ACACA: variants seen among roughly 807,000 people sequenced by gnomAD.
ACACA encodes acetyl-CoA carboxylase 1.
In ACACA, 103 loss-of-function variants were observed where a neutral mutation model predicts 296.1. The observed-to-expected ratio is 0.35, with a 90% confidence interval of 0.30 to 0.41. ACACA has a LOEUF of 0.41. Among genes scored for constraint, ACACA ranks in the 10% least tolerant of loss-of-function variants. The pLI is 1.00. For missense variants in ACACA, 1,554 were observed against 2,989.7 expected (o/e 0.52, Z 11.20); for synonymous variants, 953 against 1,038.6 (o/e 0.92, Z 1.58).
intron 2 of ACACA, among the ~76,000 whole-genome samples, chr17:37,335,576 A>G (rs2048079964): frequency 6.6e-6 from 1 of 152,166 alleles, no homozygotes; most frequent in Non-Finnish European, 1.5e-5. Context: ...TACACTGAAC[A>G]AGATTTATAC....
intron 1 of ACACA, among the ~76,000 whole-genome samples, chr17:37,373,301 G>A (rs2049873635): frequency 6.6e-6 from 1 of 151,988 alleles, no homozygotes; most frequent in African/African-American, 2.4e-5. Flanking sequence ...AGGATGGAGA[G>A]CAGTGGTGTG....
intron 3 of ACACA, among the ~76,000 whole-genome samples, chr17:37,300,186 G>T (rs2083553278): frequency 6.6e-6 from 1 of 152,120 alleles, no homozygotes; most frequent in Non-Finnish European, 1.5e-5. Flanking sequence ...ATATTTTGGA[G>T]GTCTAACCCC....
At chr17:37,383,992 G>A (rs759888899) in intron 1 of ACACA, among the ~76,000 whole-genome samples, 36 of 152,276 alleles carry the variant, frequency 2.4e-4, no homozygotes, top group Middle Eastern at 3.4e-3. Flanking sequence ...AGAGCCGGGC[G>A]CGGTGTCTCA....
At chr17:37,241,738 G>GA (rs1177094564) in intron 23 of ACACA, among the ~76,000 whole-genome samples, 1 of 151,794 alleles carries the variant, frequency 6.6e-6, no homozygotes, top group Non-Finnish European at 1.5e-5. Context: ...ATAATTGACA[G>GA]AAAAAAATGT....
chr17:37,164,463 C>T (rs139430579), intron 41 of ACACA, among the ~76,000 whole-genome samples: 4 of 152,042 alleles, frequency 2.6e-5, no homozygotes, highest in African/African-American at 9.7e-5. Flanking sequence ...ATATATCATA[C>T]CATTGGCCAA....
intron 45 of ACACA, chr17:37,143,684 T>A: frequency 5.7e-6 from 5 of 884,952 alleles, no homozygotes; most frequent in Non-Finnish European, 9.2e-6. Flanking sequence ...ACCAACTTAT[T>A]CATCATCATC....
intron 25 of ACACA, among the ~76,000 whole-genome samples, chr17:37,230,846 A>G (rs937322061): frequency 1.3e-5 from 2 of 152,242 alleles, no homozygotes; most frequent in African/African-American, 4.8e-5. Flanking sequence ...GTTTGTTTAA[A>G]GAGCCAACCT....
chr17:37,166,455 C>T (rs1350924897), intron 41 of ACACA, among the ~76,000 whole-genome samples: 2 of 152,084 alleles, frequency 1.3e-5, no homozygotes, highest in East Asian at 1.9e-4. Context: ...TTAAAAATAA[C>T]ACTTGAAAAA....
chr17:37,097,690 A>G lies in ACACA; in HGVS notation c.6720+140T>C, dbSNP rs2073075947. 2 of 1,040,592 alleles carry G rather than the reference A, an allele frequency of 1.9e-6. No homozygotes were observed. Among genetic ancestry groups the G allele is most frequent in the Non-Finnish European group, 2.8e-6 (2 of 713,748 alleles). 64.5% of individuals were successfully genotyped at this position (1,040,592 alleles called of 1,614,324 possible). On this transcript the variant is annotated intron_variant, in intron 53 of 55. Coordinates refer to ENST00000616317, the MANE Select transcript of ACACA (RefSeq NM_198834.3). This position sits in a 1 kb window ranked among gnomAD's most constrained non-coding sequence, Gnocchi z 4.8. ...GTTACAGAAACAGTGAAAATCTAAA[A>G]AATATTGAAAATGTTTTGATCTGCA...
intron 49 of ACACA, 79 bp downstream of exon 49, chr17:37,122,452 A>G (rs1173902673): frequency 8.8e-7 from 1 of 1,132,790 alleles, no homozygotes; most frequent in Non-Finnish European, 1.3e-6. Context: ...ATGGTTTGCA[A>G]TGTTCCTGAT....
intron 29 of ACACA, among the ~76,000 whole-genome samples, chr17:37,218,242 T>A (rs1388776289): frequency 6.6e-6 from 1 of 151,566 alleles, no homozygotes; most frequent in Non-Finnish European, 1.5e-5. Flanking sequence ...ATTAGCCACA[T>A]GCAGCTAGGG....
intron 24 of ACACA, among the ~76,000 whole-genome samples, chr17:37,239,131 C>T (rs2080264470): frequency 6.6e-6 from 1 of 151,896 alleles, no homozygotes. Context: ...ATCTAGCCTG[C>T]TATTTTAATT....
At chr17:37,240,248 G>A (rs1246847180) in intron 24 of ACACA, among the ~76,000 whole-genome samples, 1 of 152,226 alleles carries the variant, frequency 6.6e-6, no homozygotes, top group Non-Finnish European at 1.5e-5. Context: ...TTTCTCAGAA[G>A]CACACTGGAT....
chr17:37,113,249 C>G lies in ACACA; in HGVS notation c.6291G>C (p.Val2097=). ...SGGMKDMYDQ[V]LKFGAYIVDG... Reference sequence around the variant, plus strand: ...CCACAATGTAAGCACCAAACTTCAGCACTTGGTCGTACATATCTATGGAGA... The same window carrying G: ...CCACAATGTAAGCACCAAACTTCAGGACTTGGTCGTACATATCTATGGAGA... The change falls in exon 51 of 56, where the codon GTG becomes GTC. Residue 2097 remains valine (V), a synonymous_variant. Transcript: ENST00000616317. The surrounding 1 kb of genome is among the most constrained non-coding windows in gnomAD (Gnocchi z 4.0). The G allele has an allele frequency of 6.2e-7, 1 of 1,614,210 alleles. No individual in the cohort carries two copies. The highest frequency in any genetic ancestry group is 8.5e-7 in the Non-Finnish European group (1 of 1,180,034).
intron 45 of ACACA, among the ~76,000 whole-genome samples, chr17:37,145,449 A>G (rs144784364): frequency 1.3e-5 from 2 of 152,348 alleles, no homozygotes; most frequent in East Asian, 3.9e-4. Context: ...ACCTTGAGTG[A>G]CATGAAATAG....
At chr17:37,134,827 G>A (rs1382403519) in intron 45 of ACACA, among the ~76,000 whole-genome samples, 2 of 152,120 alleles carry the variant, frequency 1.3e-5, no homozygotes, top group African/African-American at 4.8e-5. Flanking sequence ...TAAATTTACT[G>A]AGTAATTGTC....
intron 4 of ACACA, among the ~76,000 whole-genome samples, chr17:37,284,302 C>G (rs1422716162): frequency 6.6e-6 from 1 of 152,320 alleles, no homozygotes; most frequent in East Asian, 1.9e-4. Flanking sequence ...TTTAAGCCTT[C>G]TCTTCTGAAA....
intron 40 of ACACA, among the ~76,000 whole-genome samples, chr17:37,180,962 C>T (rs1360070232): frequency 6.6e-6 from 1 of 152,206 alleles, no homozygotes; most frequent in Non-Finnish European, 1.5e-5. Flanking sequence ...AGTTTACTCT[C>T]TCCTGTCTCC....
chr17:37,185,679 C>T (rs942137412), intron 39 of ACACA, among the ~76,000 whole-genome samples: 1 of 152,124 alleles, frequency 6.6e-6, no homozygotes, highest in South Asian at 2.1e-4. Flanking sequence ...AGCAATTCTC[C>T]TGTCTCAGCC....
Sources: allele counts gnomAD v4.1 joint callset (sites outside exome capture counted in the v4.1 genomes callset), GRCh38; gene constraint gnomAD v4.1.1; non-coding constraint Gnocchi (gnomAD v3.1); transcripts MANE v1.5; gene names NCBI Gene and HGNC (gene_info 2026-07-23, HGNC 2026-07-21).